Variants in SERPINA3 observed in about 807,000 individuals in gnomAD.
The protein encoded by SERPINA3 is alpha-1-antichymotrypsin.
SERPINA3 carries 32 observed loss-of-function variants against 26.8 expected under a neutral mutation model. The ratio of observed to expected loss-of-function variants is 1.20; its 90% confidence interval spans 0.90 to 1.61. The LOEUF (loss-of-function observed/expected upper bound fraction) is 1.61, where lower values mean the gene tolerates loss of function less well. Ranked by LOEUF, SERPINA3 falls within the 40% of genes most tolerant of loss-of-function variation. The probability of loss-of-function intolerance (pLI) is 0.00; values close to 1 mark genes in which losing one functional copy is unlikely to be tolerated. For synonymous variants in SERPINA3, 252 were observed against 206.4 expected, an observed-to-expected ratio of 1.22 and a Z score of -1.89; for missense variants, 632 against 517.9, an observed-to-expected ratio of 1.22 and a Z score of -2.14.
At chr14:94,615,131 AT>A in intron 2 of SERPINA3, 47 bp downstream of exon 2, 3 of 1,595,872 alleles carry the variant, frequency 1.9e-6, no homozygotes, top group Non-Finnish European at 1.7e-6. Flanking sequence ...TCTCAGGGCC[AT>A]TTCTGTCCTG....
At chr14:94,614,285 G>T in intron 1 of SERPINA3, 149 bp from the exon 2 acceptor site, 1 of 704,896 alleles carries the variant, frequency 1.4e-6, no homozygotes, top group South Asian at 1.6e-5. Context: ...TGTGTGTCGG[G>T]TGCCCCAGAG....
intron 1 of SERPINA3, chr14:94,614,225 A>G: frequency 1.7e-6 from 1 of 593,300 alleles, no homozygotes; most frequent in Non-Finnish European, 3.0e-6. Flanking sequence ...CTGCAAGAAA[A>G]TGGCAACAAT....
intron 4 of SERPINA3, 55 bp from the exon 5 acceptor site, chr14:94,623,556 G>T: frequency 1.3e-6 from 2 of 1,538,740 alleles, no homozygotes; most frequent in African/African-American, 1.4e-5. Flanking sequence ...CAGGCAGGTC[G>T]CTGAACTCCT....
In SERPINA3 at chr14:94,623,965, C is replaced by A; in HGVS notation, c.*151C>A. On this transcript the variant is annotated 3_prime_UTR_variant, in exon 5 of 5. Transcript: ENST00000393078. ...ATCCTTGGAAGGTGACAGCGATTCCCTGTGTAGCTCTCACATGCACAGGGG... is the reference window on the plus strand; with the variant it reads ...ATCCTTGGAAGGTGACAGCGATTCCATGTGTAGCTCTCACATGCACAGGGG... 1.4e-6 allele frequency: 1 copy of A among 733,354 alleles called. No homozygotes were observed. The highest frequency in any genetic ancestry group is 2.6e-5 in the East Asian group (1 of 38,112). The allele number at this position is 733,354 out of a possible 1,614,324, so 45.4% of individuals were successfully genotyped here.
rs1885814537 is a variant in SERPINA3 at position 94,612,417 on chromosome 14, T to A, written c.-39T>A. 7.3e-7 allele frequency: 1 copy of A among 1,365,984 alleles called. No individual in the cohort carries two copies. Among genetic ancestry groups the A allele is most frequent in the Admixed American group, 1.9e-5 (1 of 52,530 alleles). The allele number at this position is 1,365,984 out of a possible 1,614,324, so 84.6% of individuals were successfully genotyped here. On this transcript the variant is annotated 5_prime_UTR_variant, in exon 1 of 5. Coordinates refer to ENST00000393078, the MANE Select transcript of SERPINA3 (RefSeq NM_001085.5). The stretch of plus-strand genomic sequence containing the variant: ...CTACTCCAGACAGACGGCTTTGGAA[T>A]CCACCAGCTACATCCAGCTCCCTGA...
At chr14:94,621,963 C>A (rs1566848464) in intron 3 of SERPINA3, among the ~76,000 whole-genome samples, 2 of 152,220 alleles carry the variant, frequency 1.3e-5, no homozygotes, top group Non-Finnish European at 2.9e-5. Context: ...CCTCCTGGTG[C>A]CCCCGTGAAG....
Position 94,619,322 on chromosome 14 carries a change from G to A in SERPINA3, c.771G>A (p.Glu257=). Residue 257 remains glutamate, a synonymous_variant, in exon 3 of 5, where the codon GAG becomes GAA. Transcript: ENST00000393078. ...TGACTATACCTTACTTCCGGGACGAGGAGCTGTCCTGCACCGTGGTGGAGC... is the reference window on the plus strand; with the variant it reads ...TGACTATACCTTACTTCCGGGACGAAGAGCTGTCCTGCACCGTGGTGGAGC... ...HHLTIPYFRD[E]ELSCTVVELK... is the part of the protein sequence containing the mutation. The A allele has an allele frequency of 6.2e-7, 1 of 1,614,200 alleles. No homozygotes were observed. Among genetic ancestry groups the A allele is most frequent in the Non-Finnish European group, 8.5e-7 (1 of 1,180,034 alleles).
At chr14:94,622,724 G>A in intron 4 of SERPINA3, 1 of 583,222 alleles carries the variant, frequency 1.7e-6, no homozygotes, top group Non-Finnish European at 3.1e-6. Flanking sequence ...CTTGGAATCA[G>A]AGAGCCATGG....
Position 94,624,042 on chromosome 14 carries a change from A to C in SERPINA3, c.*228A>C. ...CCTGGGCCTCCTGACAGCAATAAAT[A>C]ATTTCGTTGGACACGTTGCTTGTGC... is the stretch of plus-strand genomic sequence containing the variant. On this transcript the variant is annotated 3_prime_UTR_variant, in exon 5 of 5. Coordinates refer to ENST00000393078, the MANE Select transcript of SERPINA3 (RefSeq NM_001085.5). 1.7e-6 allele frequency: 1 copy of C among 591,512 alleles called. No individual in the cohort carries two copies. The highest frequency in any genetic ancestry group is 2.9e-5 in the East Asian group (1 of 35,022). The allele number at this position is 591,512 out of a possible 1,614,324, so 36.6% of individuals were successfully genotyped here.
rs557831303 is a variant in SERPINA3, at chr14:94,612,443, G to A, written c.-13G>A. On this transcript the variant is annotated 5_prime_UTR_variant, in exon 1 of 5. Transcript: ENST00000393078. ...CCACCAGCTACATCCAGCTCCCTGA[G>A]GCAGGTAATCCATGATGTTTTACAT... is the stretch of plus-strand genomic sequence containing the variant. 176 of 1,364,022 alleles carry A rather than the reference G, an allele frequency of 1.3e-4. 1 individual carries two copies. The Middle Eastern group carries it at 2.5e-3, about 20-fold the overall frequency. 84.5% of individuals were successfully genotyped at this position (1,364,022 alleles called of 1,614,324 possible).
At chr14:94,620,860 G>A (rs1165107863) in intron 3 of SERPINA3, among the ~76,000 whole-genome samples, 2 of 152,142 alleles carry the variant, frequency 1.3e-5, no homozygotes, top group African/African-American at 4.8e-5. Context: ...AGCTGTGTGG[G>A]GTAGAGAGGA....
chr14:94,618,877 C>T lies in SERPINA3; in HGVS notation c.644-318C>T. ...TGTCCCATTTCTCCTCAGGCACCAGCCTCCCACATGTTGTCATGCCTCTTT... is the reference window on the plus strand; with the variant it reads ...TGTCCCATTTCTCCTCAGGCACCAGTCTCCCACATGTTGTCATGCCTCTTT... On this transcript the variant is annotated intron_variant, in intron 2 of 4. Coordinates refer to ENST00000393078, the MANE Select transcript of SERPINA3 (RefSeq NM_001085.5). 6.2e-6 allele frequency: 3 copies of T among 480,514 alleles called. No individual in the cohort carries two copies. The South Asian group carries it at 6.6e-5, about 11-fold the overall frequency. The allele number at this position is 480,514 out of a possible 1,614,324, so 29.8% of individuals were successfully genotyped here. A position where few individuals can be genotyped will look rare whatever the true frequency, so the allele number is the denominator to read the frequency against.
At chr14:94,620,011 A>G (rs1886141766) in intron 3 of SERPINA3, 1 of 212,870 alleles carries the variant, frequency 4.7e-6, no homozygotes, top group Non-Finnish European at 9.4e-6. Context: ...GGGACAGGCA[A>G]TAAATAAATA....
intron 3 of SERPINA3, among the ~76,000 whole-genome samples, chr14:94,621,332 G>A (rs2139963800): frequency 6.6e-6 from 1 of 152,272 alleles, no homozygotes; most frequent in Non-Finnish European, 1.5e-5. Context: ...AAAATGCTGA[G>A]GAAACATGTG....
At chr14:94,616,676 T>C (rs947732176) in intron 2 of SERPINA3, among the ~76,000 whole-genome samples, 2 of 152,136 alleles carry the variant, frequency 1.3e-5, no homozygotes, top group African/African-American at 4.8e-5. Flanking sequence ...GGGCAGAAGA[T>C]GGGAATTCAA....
At chr14:94,622,815 A>C in intron 4 of SERPINA3, 1 of 404,988 alleles carries the variant, frequency 2.5e-6, no homozygotes, top group Non-Finnish European at 4.7e-6. Flanking sequence ...CATGTGTCAA[A>C]TGGTAGTGAT....
chr14:94,612,550 G>A (rs541782673), intron 1 of SERPINA3, 103 bp downstream of exon 1: 1 of 606,760 alleles, frequency 1.6e-6, no homozygotes, highest in African/African-American at 1.9e-5. Flanking sequence ...GTAAGCAGAG[G>A]CCAGGAGGAG....
In SERPINA3 at chr14:94,614,924, T is replaced by A. The variant is rs761892260; in HGVS notation, c.483T>A (p.Tyr161Ter). The change falls in exon 2 of 5, where the codon TAT (tyrosine) becomes TAA (stop). Residue 161 changes from tyrosine to a stop codon, truncating the protein, a stop_gained. Coordinates refer to ENST00000393078, the MANE Select transcript of SERPINA3 (RefSeq NM_001085.5). LOFTEE classifies it high-confidence loss of function. ...DRFTEDAKRL[Y>*]GSEAFATDFQ... is the part of the protein sequence containing the mutation. ...TCACGGAGGATGCCAAGAGGCTGTA[T>A]GGCTCCGAGGCCTTTGCCACTGACT... is the stretch of plus-strand genomic sequence containing the variant. 2 of 1,613,980 alleles carry A rather than the reference T, an allele frequency of 1.2e-6. No homozygotes were observed. Among genetic ancestry groups the A allele is most frequent in the South Asian group, 2.2e-5 (2 of 91,084 alleles).
chr14:94,622,741 T>G, intron 4 of SERPINA3: 1 of 550,402 alleles, frequency 1.8e-6, no homozygotes, highest in Non-Finnish European at 3.3e-6. Context: ...ATGGACACCA[T>G]TCCACACTAT....
Sources: allele counts gnomAD v4.1 joint callset (sites outside exome capture counted in the v4.1 genomes callset), GRCh38; gene constraint gnomAD v4.1.1; transcripts MANE v1.5; gene names NCBI Gene and HGNC (gene_info 2026-07-23, HGNC 2026-07-21).